NCBP2L: variants seen among roughly 807,000 people sequenced by gnomAD.
The protein encoded by NCBP2L is nuclear cap binding protein subunit 2 like, also known as nuclear cap-binding protein subunit 2-like.
For missense variants in NCBP2L, 95 were observed against 53.1 expected, an observed-to-expected ratio of 1.79 and a Z score of -2.45; for synonymous variants, 39 against 19.2, an observed-to-expected ratio of 2.04 and a Z score of -2.70.
At chrX:107,789,066 T>C (rs182370709) in intron 1 of NCBP2L, among the ~76,000 whole-genome samples, 1 of 110,916 alleles carries the variant, frequency 9.0e-6, no homozygotes, top group East Asian at 2.8e-4. Context: ...CAGCAGATGA[T>C]CTCACCTCTT....
At chrX:107,786,514 C>T (rs1039837689) in intron 1 of NCBP2L, among the ~76,000 whole-genome samples, 1 of 110,981 alleles carries the variant, frequency 9.0e-6, no homozygotes, top group Non-Finnish European at 1.9e-5. Context: ...CAGGGCTTTC[C>T]GGAGGCTCTC....
At chrX:107,778,019 T>G (rs1437376186) in intron 1 of NCBP2L, among the ~76,000 whole-genome samples, 161 bp downstream of exon 1, 1 of 111,066 alleles carries the variant, frequency 9.0e-6, no homozygotes, top group Non-Finnish European at 1.9e-5. Flanking sequence ...TCGCTTTTTT[T>G]TTTTTTAAAT....
At position 107,794,656 on chromosome X, in the gene NCBP2L, G is replaced by C. The variant is rs1930496430; in HGVS notation, c.436G>C (p.Gly146Arg). The stretch of plus-strand genomic sequence containing the variant: ...TGAAGATTTTCATTCTGGTAGAGGA[G>C]GCTTTGGAAGACAGACTCAGATCTA... ...FREDFHSGRG[G>R]FGRQTQI The change falls in exon 2 of 2, where the codon GGC becomes CGC. Residue 146 changes from glycine (G) to arginine (R), a missense_variant. Gly to Arg is a moderately radical substitution (Grantham distance 125, BLOSUM62 -2). Coordinates refer to ENST00000509000, the MANE Select transcript of NCBP2L (RefSeq NM_001348372.2). 1.8e-6 allele frequency: 1 copy of C among 568,986 alleles called. No individual in the cohort carries two copies. The allele number at this position is 568,986 out of a possible 1,213,427, so 46.9% of individuals were successfully genotyped here.
intron 1 of NCBP2L, among the ~76,000 whole-genome samples, chrX:107,785,710 A>G (rs1930387964): frequency 9.0e-6 from 1 of 111,472 alleles, no homozygotes. Context: ...ACTGTGTTGT[A>G]TATTCCTGAT....
At chrX:107,781,676 A>ATCTATCTATCTCTC (rs1380779020) in intron 1 of NCBP2L, among the ~76,000 whole-genome samples, 24 of 55,885 alleles carry the variant, frequency 4.3e-4, no homozygotes, top group African/African-American at 2.3e-3. Flanking sequence ...CTATCTATCT[A>ATCTATCTATCTCTC]TCTCTCTCTC....
At chrX:107,784,807 C>CAAAAAAAAA (rs10550955) in intron 1 of NCBP2L, among the ~76,000 whole-genome samples, 2 of 41,085 alleles carry the variant, frequency 4.9e-5, no homozygotes, top group Admixed American at 3.4e-4. Context: ...CCCATCTCCA[C>CAAAAAAAAA]AAAAAAAAAA....
rs1016889206 is a variant in NCBP2L at position 107,795,802 on chromosome X, A to C, written c.*1120A>C. Reference sequence around the variant, plus strand: ...TAACTTAGGTTATACTGCAGTAATAAAAAATCGAAAAATTTTAGTGCTTAA... The same window carrying C: ...TAACTTAGGTTATACTGCAGTAATACAAAATCGAAAAATTTTAGTGCTTAA... On this transcript the variant is annotated 3_prime_UTR_variant, in exon 2 of 2. Transcript: ENST00000509000. 6 of 111,632 alleles carry C rather than the reference A, an allele frequency of 5.4e-5. No individual in the cohort carries two copies. Among genetic ancestry groups the C allele is most frequent in the African/African-American group, 2.0e-4 (6 of 30,703 alleles). The allele number at this position is 111,632 out of a possible 1,213,427, so 9.2% of individuals were successfully genotyped here.
intron 1 of NCBP2L, among the ~76,000 whole-genome samples, chrX:107,783,624 C>T (rs993376866): frequency 6.4e-5 from 7 of 108,650 alleles, no homozygotes; most frequent in Admixed American, 4.0e-4. Context: ...CCATCTGCCT[C>T]GGCCTCCCAA....
intron 1 of NCBP2L, among the ~76,000 whole-genome samples, chrX:107,788,848 C>T (rs1013359766): frequency 9.0e-6 from 1 of 111,560 alleles, no homozygotes; most frequent in African/African-American, 3.3e-5. Flanking sequence ...TCTTCCAATC[C>T]TTCCTACTAT....
intron 1 of NCBP2L, among the ~76,000 whole-genome samples, chrX:107,784,045 A>T (rs1413158492): frequency 9.0e-6 from 1 of 111,467 alleles, no homozygotes. Flanking sequence ...AGAGGAGATG[A>T]TGGCTTGAAG....
chrX:107,784,873 G>A (rs186910627), intron 1 of NCBP2L, among the ~76,000 whole-genome samples: 1 of 108,377 alleles, frequency 9.2e-6, no homozygotes, highest in Non-Finnish European at 1.9e-5. Context: ...CAGCTACTCA[G>A]GAGGCTGAGG....
chrX:107,788,587 C>T (rs1048331867), intron 1 of NCBP2L, among the ~76,000 whole-genome samples: 5 of 112,190 alleles, frequency 4.5e-5, no homozygotes, highest in African/African-American at 1.6e-4. Context: ...AAATACAGTA[C>T]CTCGAAATGG....
In NCBP2L at chrX:107,794,637, T is replaced by A; in HGVS notation, c.417T>A (p.Asp139Glu). 1 of 569,502 alleles carries A rather than the reference T, an allele frequency of 1.8e-6. No homozygotes were observed. Among genetic ancestry groups the A allele is most frequent in the Non-Finnish European group, 3.2e-6 (1 of 309,262 alleles). 46.9% of individuals were successfully genotyped at this position (569,502 alleles called of 1,213,427 possible). A position where few individuals can be genotyped will look rare whatever the true frequency, so the allele number is the denominator to read the frequency against. ...AGGTAAGGGATGAGTTTCGTGAAGA[T>A]TTTCATTCTGGTAGAGGAGGCTTTG... Reference protein sequence around the residue: ...GGQVRDEFREDFHSGRGGFGR... With the variant: ...GGQVRDEFREEFHSGRGGFGR... Residue 139 changes from aspartate to glutamate, a missense_variant, in exon 2 of 2, where the codon GAT becomes GAA. Asp to Glu is a conservative substitution (Grantham distance 45). Transcript: ENST00000509000.
At chrX:107,782,676 T>G (rs1250487811) in intron 1 of NCBP2L, among the ~76,000 whole-genome samples, 2 of 106,785 alleles carry the variant, frequency 1.9e-5, no homozygotes, top group Non-Finnish European at 3.8e-5. Context: ...GAATTCAGTT[T>G]TTTTAGATTC....
At chrX:107,781,872 C>T (rs1225908543) in intron 1 of NCBP2L, among the ~76,000 whole-genome samples, 2 of 70,573 alleles carry the variant, frequency 2.8e-5, no homozygotes, top group African/African-American at 5.8e-5. Context: ...TTCTTTGAGA[C>T]GGAGTCTCGC....
intron 1 of NCBP2L, among the ~76,000 whole-genome samples, chrX:107,779,270 T>G (rs932358019): frequency 8.9e-6 from 1 of 112,417 alleles, no homozygotes; most frequent in South Asian, 3.7e-4. Context: ...TAATGTGACA[T>G]AAAATTGTGA....
intron 1 of NCBP2L, among the ~76,000 whole-genome samples, chrX:107,783,682 A>G (rs1037456606): frequency 2.7e-5 from 3 of 110,550 alleles, no homozygotes; most frequent in Non-Finnish European, 3.8e-5. Context: ...CAAGAATTGT[A>G]TATATTTAAG....
At chrX:107,793,237 T>A (rs947545112) in intron 1 of NCBP2L, among the ~76,000 whole-genome samples, 30 of 111,839 alleles carry the variant, frequency 2.7e-4, no homozygotes, top group African/African-American at 8.8e-4. Context: ...GGTTAAAATG[T>A]TAATTCTTGG....
intron 1 of NCBP2L, among the ~76,000 whole-genome samples, chrX:107,787,710 C>T (rs1317675920): frequency 8.9e-6 from 1 of 112,087 alleles, no homozygotes; most frequent in Non-Finnish European, 1.9e-5. Context: ...TCTCAGCTCT[C>T]TCACCCATTA....
Sources: gnomAD v4.1 joint callset for allele counts (sites outside exome capture counted in the v4.1 genomes callset) on GRCh38, gnomAD v4.1.1 for gene constraint, MANE v1.5 for transcripts, NCBI Gene and HGNC (gene_info 2026-07-23, HGNC 2026-07-21) for gene names.